IFT43: variants seen among roughly 807,000 people sequenced by gnomAD.
IFT43 encodes intraflagellar transport protein 43 homolog.
In IFT43, 33 loss-of-function variants were observed where a neutral mutation model predicts 32.3. The observed-to-expected ratio is 1.02, with a 90% confidence interval of 0.77 to 1.37. The LOEUF is 1.37. IFT43 is among the 40% of genes most tolerant of loss of function. IFT43 has a pLI of 0.00. For missense variants in IFT43, 274 were observed against 265.9 expected (o/e 1.03, Z -0.21); for synonymous variants, 93 against 98.2 (o/e 0.95, Z 0.31).
At chr14:75,985,976 G>A in intron 1 of IFT43, 136 bp downstream of exon 1, 4 of 1,529,574 alleles carry the variant, frequency 2.6e-6, no homozygotes, top group Non-Finnish European at 3.5e-6. Context: ...GAAGGAGGCA[G>A]CCTCACCGCC....
intron 3 of IFT43, among the ~76,000 whole-genome samples, chr14:76,036,088 T>C (rs1209522556): frequency 1.3e-5 from 2 of 152,226 alleles, no homozygotes. Flanking sequence ...ATTGATTCCC[T>C]TCCTCATACC....
At chr14:76,033,836 G>A (rs545767493) in intron 3 of IFT43, among the ~76,000 whole-genome samples, 43 of 152,308 alleles carry the variant, frequency 2.8e-4, no homozygotes, top group African/African-American at 9.6e-4. Context: ...ATTGGCAGAA[G>A]GTGCACATAG....
At chr14:76,077,729 C>T (rs1566737934) in intron 5 of IFT43, among the ~76,000 whole-genome samples, 1 of 152,210 alleles carries the variant, frequency 6.6e-6, no homozygotes, top group East Asian at 1.9e-4. Context: ...TCTGGATTTC[C>T]CCCCATCATG....
In IFT43 at chr14:76,082,705, G is replaced by T; in HGVS notation, c.444+13G>T. On this transcript the variant is annotated intron_variant, in intron 7 of 8. Transcript: ENST00000314067. ...CATTCAGACACTGGTGAGTGGAACA[G>T]CTTCTGCATAGAGAGGCGGGCTCCA... 2 of 1,558,468 alleles carry T rather than the reference G, an allele frequency of 1.3e-6. No homozygotes were observed. The highest frequency in any genetic ancestry group is 1.4e-5 in the African/African-American group (1 of 73,818).
chr14:76,001,993 A>C (rs150275099), intron 2 of IFT43, among the ~76,000 whole-genome samples: 132 of 152,346 alleles, frequency 8.7e-4, no homozygotes, highest in African/African-American at 3.1e-3. Context: ...CATGCCTTTT[A>C]TCCCAGCACT....
chr14:76,011,323 T>G (rs2036081254), intron 2 of IFT43, among the ~76,000 whole-genome samples: 1 of 152,238 alleles, frequency 6.6e-6, no homozygotes, highest in Non-Finnish European at 1.5e-5. Context: ...GTCATTTTAC[T>G]TATTACTTTC....
In IFT43 at chr14:76,083,508, G is replaced by C. The variant is rs1209131687; in HGVS notation, c.558G>C (p.Glu186Asp). Residue 186 changes from glutamate (E) to aspartate (D), a missense_variant, in exon 9 of 9, where the codon GAG (glutamate) becomes GAC (aspartate). Coordinates refer to ENST00000314067, the MANE Select transcript of IFT43 (RefSeq NM_001102564.3). ...WDHLFTEVSS[E>D]VLTEWDPLQT... ...ATCTGTTCACTGAGGTGTCCTCAGAGGTCCTCACTGAGTGGGACCCACTGC... is the reference window on the plus strand; with the variant it reads ...ATCTGTTCACTGAGGTGTCCTCAGACGTCCTCACTGAGTGGGACCCACTGC... 1.2e-6 allele frequency: 2 copies of C among 1,614,162 alleles called. No homozygotes were observed. The highest frequency in any genetic ancestry group is 3.3e-5 in the Admixed American group (2 of 60,030).
intron 3 of IFT43, among the ~76,000 whole-genome samples, chr14:76,045,997 T>A (rs965712454): frequency 1.9e-4 from 29 of 152,288 alleles, no homozygotes; most frequent in African/African-American, 6.5e-4. Context: ...ACTGCCCTAC[T>A]ATAAAGACCG....
At chr14:76,039,673 A>G (rs576743778) in intron 3 of IFT43, among the ~76,000 whole-genome samples, 1 of 152,340 alleles carries the variant, frequency 6.6e-6, no homozygotes, top group African/African-American at 2.4e-5. Flanking sequence ...TAAATAAAAA[A>G]GAAACATAGT....
At chr14:76,019,269 A>G (rs74453916) in intron 2 of IFT43, among the ~76,000 whole-genome samples, 2,134 of 152,210 alleles carry the variant, frequency 0.014, 56 homozygotes, top group African/African-American at 0.045. Context: ...ATTTATTGAA[A>G]GGCTTGTCAG....
intron 3 of IFT43, among the ~76,000 whole-genome samples, chr14:76,036,792 T>C (rs1423428404): frequency 1.3e-5 from 2 of 151,936 alleles, no homozygotes; most frequent in African/African-American, 4.8e-5. Context: ...CTTCTCTTCC[T>C]CCCTCCCTTC....
At chr14:76,006,169 A>G (rs1445265037) in intron 2 of IFT43, among the ~76,000 whole-genome samples, 1 of 152,198 alleles carries the variant, frequency 6.6e-6, no homozygotes, top group African/African-American at 2.4e-5. Flanking sequence ...ACCAGAGCTA[A>G]GTCACCAGAA....
intron 2 of IFT43, among the ~76,000 whole-genome samples, chr14:76,000,301 G>A (rs1394790378): frequency 1.0e-5 from 1 of 100,170 alleles, no homozygotes; most frequent in African/African-American, 3.8e-5. Flanking sequence ...GTCTTGCTCT[G>A]TTGCCCAAGC....
rs372641566 is a variant in IFT43 at position 75,985,859 on chromosome 14, G to A, written c.54+19G>A. 6 of 1,613,478 alleles carry A rather than the reference G, an allele frequency of 3.7e-6. No individual in the cohort carries two copies. In the East Asian group the frequency reaches 1.3e-4, roughly 36 times the overall value. On this transcript the variant is annotated intron_variant, in intron 1 of 8. Coordinates refer to ENST00000314067, the MANE Select transcript of IFT43 (RefSeq NM_001102564.3). ...TACCTCCGTGAGGACCAATTCGGGG[G>A]CCTTGGGGGCCAGGATTTGGCGGGT... is the stretch of plus-strand genomic sequence containing the variant.
Position 76,083,590 on chromosome 14 carries a change from T to C in IFT43, c.*13T>C. ...CAGGCACACCTGAGCCCGTCACCCA[T>C]GCTCTAGACATGAAGAAATGCAATG... is the stretch of plus-strand genomic sequence containing the variant. On this transcript the variant is annotated 3_prime_UTR_variant, in exon 9 of 9. Coordinates refer to ENST00000314067, the MANE Select transcript of IFT43 (RefSeq NM_001102564.3). The C allele has an allele frequency of 6.2e-7, 1 of 1,613,592 alleles. No homozygotes were observed. The highest frequency in any genetic ancestry group is 1.3e-5 in the African/African-American group (1 of 75,028).
At chr14:76,037,003 T>C (rs947465040) in intron 3 of IFT43, among the ~76,000 whole-genome samples, 2 of 152,192 alleles carry the variant, frequency 1.3e-5, no homozygotes, top group Non-Finnish European at 2.9e-5. Flanking sequence ...TGTTTAAAAA[T>C]TTTTTGGAGA....
At chr14:76,058,771 A>G (rs2037074833) in intron 4 of IFT43, 97 bp downstream of exon 4, 5 of 1,601,714 alleles carry the variant, frequency 3.1e-6, no homozygotes, top group East Asian at 4.5e-5. Context: ...TATGTTGAAC[A>G]CTGTGTTAGA....
chr14:75,991,210 A>G (rs907508956), intron 2 of IFT43, among the ~76,000 whole-genome samples: 8 of 152,122 alleles, frequency 5.3e-5, no homozygotes, highest in African/African-American at 1.7e-4. Context: ...ATGTGCCTAT[A>G]GTCCCAGCTA....
intron 3 of IFT43, among the ~76,000 whole-genome samples, chr14:76,034,486 A>G (rs2139991369): frequency 6.6e-6 from 1 of 152,300 alleles, no homozygotes; most frequent in South Asian, 2.1e-4. Context: ...CCGTAGCAGC[A>G]CCTTATATGT....
Sources: gnomAD v4.1 joint callset for allele counts (sites outside exome capture counted in the v4.1 genomes callset) on GRCh38, gnomAD v4.1.1 for gene constraint, MANE v1.5 for transcripts, NCBI Gene and HGNC (gene_info 2026-07-23, HGNC 2026-07-21) for gene names.